The following GGA2 variants were observed in gnomAD, a reference collection of about 807,000 sequenced individuals.
The protein encoded by GGA2 is golgi associated, gamma adaptin ear containing, ARF binding protein 2, also known as ADP-ribosylation factor-binding protein GGA2.
A neutral mutation model predicts 79.5 loss-of-function variants in GGA2; 48 were observed. The observed-to-expected ratio is 0.60, with a 90% CI of 0.48 to 0.77. The LOEUF is 0.77. Among genes scored for constraint, GGA2 ranks in the 30% least tolerant of loss-of-function variants. The probability of loss-of-function intolerance (pLI) is 0.00; values close to 1 mark genes in which losing one functional copy is unlikely to be tolerated. For synonymous variants in GGA2, 317 were observed against 302.0 expected (o/e 1.05, Z -0.51); for missense variants, 770 against 774.0 (o/e 0.99, Z 0.06).
In GGA2 at chr16:23,491,803, G is replaced by A. The variant is rs771792880; in HGVS notation, c.352-3C>T. 5 of 1,604,518 alleles carry A rather than the reference G, an allele frequency of 3.1e-6. No individual in the cohort carries two copies. The highest frequency in any genetic ancestry group is 1.7e-4 in the Middle Eastern group (1 of 6,034). On this transcript the variant is annotated splice_region_variant and splice_polypyrimidine_tract_variant and intron_variant, in intron 4 of 16. Transcript: ENST00000309859. ...CCTGTGGCCCAGGACCCCAGGTACT[G>A]AAAGTAAAAAGGAAAGAGAATTCTA...
intron 1 of GGA2, among the ~76,000 whole-genome samples, chr16:23,499,525 TACAATCC>T (rs1038468073): frequency 6.6e-6 from 1 of 152,108 alleles, no homozygotes; most frequent in African/African-American, 2.4e-5. Context: ...CAAGCAGCAA[TACAATCC>T]ACAAAATGTA....
At chr16:23,488,108 C>G (rs1250748796) in intron 6 of GGA2, among the ~76,000 whole-genome samples, 1 of 152,092 alleles carries the variant, frequency 6.6e-6, no homozygotes, top group Non-Finnish European at 1.5e-5. Context: ...GCCGGGCTCA[C>G]TGGCACTGAG....
At chr16:23,509,705 CATA>C (rs1234953191) in intron 1 of GGA2, among the ~76,000 whole-genome samples, 1 of 147,586 alleles carries the variant, frequency 6.8e-6, no homozygotes, top group Non-Finnish European at 1.5e-5. Flanking sequence ...ACCAGGGTAA[CATA>C]ATGAGACCCC....
In GGA2 at chr16:23,493,404, T is replaced by C; in HGVS notation, c.307A>G (p.Lys103Glu). 6.2e-7 allele frequency: 1 copy of C among 1,613,142 alleles called. No homozygotes were observed. The highest frequency in any genetic ancestry group is 8.5e-7 in the Non-Finnish European group (1 of 1,179,118). ...ATCAGTTCGTTCAGGAAACGAAATTTGGCCACCTCGCTGTGGAACTTCTCC... is the reference window on the plus strand; with the variant it reads ...ATCAGTTCGTTCAGGAAACGAAATTCGGCCACCTCGCTGTGGAACTTCTCC... ...CGEKFHSEVA[K>E]FRFLNELIKV... The change falls in exon 4 of 17, where the codon AAA (lysine) becomes GAA (glutamate). Residue 103 changes from lysine to glutamate, a missense_variant. Coordinates refer to ENST00000309859, the MANE Select transcript of GGA2 (RefSeq NM_015044.4).
chr16:23,481,087 T>C (rs1236558018), intron 9 of GGA2, among the ~76,000 whole-genome samples: 1 of 152,230 alleles, frequency 6.6e-6, no homozygotes, highest in Non-Finnish European at 1.5e-5. Flanking sequence ...ACTCAGAATC[T>C]GAAGCTGCTG....
At chr16:23,486,224 AAG>A (rs71717530) in intron 7 of GGA2, 72 bp from the exon 8 acceptor site, 60,286 of 1,405,052 alleles carry the variant, frequency 0.043, 2,532 homozygotes, top group African/African-American at 0.19. Context: ...AGGGATGGGA[AAG>A]AGTCACTATT....
chr16:23,479,263 T>C lies in GGA2; in HGVS notation c.1130-352A>G, dbSNP rs141249371. Among the ~76,000 whole-genome samples, 56 of 147,774 alleles carry C rather than the reference T, an allele frequency of 3.8e-4. No individual in the cohort carries two copies. The East Asian group carries it at 6.5e-3, about 17-fold the overall frequency. On this transcript the variant is annotated intron_variant, in intron 11 of 16. Coordinates refer to ENST00000309859, the MANE Select transcript of GGA2 (RefSeq NM_015044.4). Reference sequence around the variant, plus strand: ...ACCCTGATTCCCTCAGCAGCAGGCATGTGCTTCCTGAGGAGACCAGCTCAC... The same window carrying C: ...ACCCTGATTCCCTCAGCAGCAGGCACGTGCTTCCTGAGGAGACCAGCTCAC...
At chr16:23,512,948 G>A (rs889512958), upstream of GGA2, among the ~76,000 whole-genome samples, 68 of 151,876 alleles carry the variant, frequency 4.5e-4, no homozygotes, top group Admixed American at 2.9e-3. Context: ...CAGGTGATCC[G>A]CCCACCTCGG....
At chr16:23,478,021 C>T (rs1207693441) in intron 13 of GGA2, among the ~76,000 whole-genome samples, 1 of 149,596 alleles carries the variant, frequency 6.7e-6, no homozygotes. Context: ...GGTGAAACCC[C>T]GTCTCTACTA....
In GGA2 at chr16:23,479,818, G is replaced by A. The variant is rs532678467; in HGVS notation, c.1076C>T (p.Ala359Val). 57 of 1,613,992 alleles carry A rather than the reference G, an allele frequency of 3.5e-5. 1 individual carries two copies. The highest frequency in any genetic ancestry group is 4.1e-5 in the Non-Finnish European group (48 of 1,179,988). The part of the protein sequence containing the change: ...LIDLEVDNGP[A>V]QMGTVVPSLL... ...AGATGGCACCACAGTCCCCATCTGC[G>A]CAGGTCCATTGTCCACCTCCAAGTC... is the stretch of plus-strand genomic sequence containing the variant. The change falls in exon 11 of 17, where the codon GCG becomes GTG. Residue 359 changes from alanine to valine, a missense_variant. Physicochemically the swap from Ala to Val is moderately conservative, Grantham distance 64. Transcript: ENST00000309859.
At position 23,464,159 on chromosome 16, in the gene GGA2, T is replaced by C. The variant is rs1964406017; in HGVS notation, c.*3431A>G. On this transcript the variant is annotated 3_prime_UTR_variant, in exon 17 of 17. Transcript: ENST00000309859. ...TATTTGTACTAGGTAATATTCACTT[T>C]TCTTTTGGTTGTCATTTATTGTTTT... The C allele has an allele frequency of 6.6e-6, 1 of 152,248 alleles. No homozygotes were observed. The highest frequency in any genetic ancestry group is 6.5e-5 in the Admixed American group (1 of 15,278). The allele number at this position is 152,248 out of a possible 1,614,324, so 9.4% of individuals were successfully genotyped here. A position where few individuals can be genotyped will look rare whatever the true frequency, so the allele number is the denominator to read the frequency against.
chr16:23,479,920 T>C (rs762708089), intron 10 of GGA2, 33 bp from the exon 11 acceptor site: 35 of 1,611,458 alleles, frequency 2.2e-5, no homozygotes, highest in African/African-American at 2.0e-4. Context: ...GAGAAGTCAG[T>C]TGGACATGAG....
In GGA2 at chr16:23,479,864, T is replaced by G; in HGVS notation, c.1030A>C (p.Met344Leu). Residue 344 changes from methionine to leucine, a missense_variant, in exon 11 of 17, where the codon ATG (methionine) becomes CTG (leucine). Physicochemically the swap from Met to Leu is conservative, Grantham distance 15. Coordinates refer to ENST00000309859, the MANE Select transcript of GGA2 (RefSeq NM_015044.4). ...AAGTCAATCAGGGGGCAGGTCTTCATGCAGCCTGCTGGATTCTGAAAGACT... is the reference window on the plus strand; with the variant it reads ...AAGTCAATCAGGGGGCAGGTCTTCAGGCAGCCTGCTGGATTCTGAAAGACT... ...SRVFQNPAGC[M>L]KTCPLIDLEV... 1.2e-6 allele frequency: 2 copies of G among 1,614,130 alleles called. No homozygotes were observed. Among genetic ancestry groups the G allele is most frequent in the Non-Finnish European group, 1.7e-6 (2 of 1,179,968 alleles).
chr16:23,472,288 G>C (rs1406455205), intron 14 of GGA2, among the ~76,000 whole-genome samples: 1 of 145,076 alleles, frequency 6.9e-6, no homozygotes, highest in East Asian at 2.1e-4. Context: ...CCGCCTCCCA[G>C]GTTCAAGCGA....
upstream of GGA2, chr16:23,522,227 T>C: frequency 5.0e-6 from 1 of 199,850 alleles, no homozygotes; most frequent in South Asian, 8.4e-5. Flanking sequence ...TTTTCCTCCA[T>C]TGCATATAAT....
At chr16:23,511,362 T>A (rs1965059805), upstream of GGA2, among the ~76,000 whole-genome samples, 1 of 151,610 alleles carries the variant, frequency 6.6e-6, no homozygotes, top group South Asian at 2.1e-4. Context: ...GGGTTCACTA[T>A]GTTGGCCAGG....
rs767773367 is a variant in GGA2 at position 23,493,377 on chromosome 16, T to C, written c.334A>G (p.Lys112Glu). The change falls in exon 4 of 17, where the codon AAA becomes GAA. Residue 112 changes from lysine to glutamate, a missense_variant. Coordinates refer to ENST00000309859, the MANE Select transcript of GGA2 (RefSeq NM_015044.4). ...GTACTCACCTTTGGGGACAACACTTTGATCAGTTCGTTCAGGAAACGAAAT... is the reference window on the plus strand; with the variant it reads ...GTACTCACCTTTGGGGACAACACTTCGATCAGTTCGTTCAGGAAACGAAAT... Reference protein sequence around the residue: ...AKFRFLNELIKVLSPKYLGSW... With the variant: ...AKFRFLNELIEVLSPKYLGSW... 2 of 1,603,298 alleles carry C rather than the reference T, an allele frequency of 1.2e-6. No homozygotes were observed. The highest frequency in any genetic ancestry group is 1.7e-6 in the Non-Finnish European group (2 of 1,170,106).
At chr16:23,511,537 G>A (rs959813533), upstream of GGA2, among the ~76,000 whole-genome samples, 3 of 149,826 alleles carry the variant, frequency 2.0e-5, no homozygotes, top group African/African-American at 7.4e-5. Context: ...TCGCTCTGTC[G>A]CCCAGGCTGG....
intron 1 of GGA2, among the ~76,000 whole-genome samples, chr16:23,506,785 G>T (rs540307260): frequency 6.6e-6 from 1 of 152,302 alleles, no homozygotes; most frequent in East Asian, 1.9e-4. Context: ...CCAATACTCA[G>T]GTGGCAATGG....
Sources: gnomAD v4.1 joint callset for allele counts (sites outside exome capture counted in the v4.1 genomes callset) on GRCh38, gnomAD v4.1.1 for gene constraint, MANE v1.5 for transcripts, NCBI Gene and HGNC (gene_info 2026-07-23, HGNC 2026-07-21) for gene names.